Variants in RFK observed in about 807,000 individuals in gnomAD.
RFK encodes riboflavin kinase, also known as 0610038L10Rik.
A neutral mutation model predicts 17.6 loss-of-function variants in RFK; 4 were observed. That is an observed-to-expected ratio of 0.23 (90% CI 0.11 to 0.52). The LOEUF is 0.52. Among genes scored for constraint, RFK ranks in the 20% least tolerant of loss-of-function variants. The pLI is 0.96. For synonymous variants in RFK, 59 were observed against 63.8 expected, an observed-to-expected ratio of 0.92 and a Z score of 0.36; for missense variants, 189 against 187.7, an observed-to-expected ratio of 1.01 and a Z score of -0.04.
chr9:76,393,328 T>C (rs975453778), intron 1 of RFK, among the ~76,000 whole-genome samples: 3 of 152,026 alleles, frequency 2.0e-5, no homozygotes, highest in Admixed American at 2.0e-4. Context: ...TGCCTCAGGT[T>C]CCCGAGTAGC....
At position 76,386,627 on chromosome 9, in the gene RFK, G is replaced by A. The variant is rs1822735210; in HGVS notation, c.*772C>T. The A allele has an allele frequency of 6.6e-6, 1 of 152,148 alleles. No individual in the cohort carries two copies. The highest frequency in any genetic ancestry group is 1.5e-5 in the Non-Finnish European group (1 of 68,016). The allele number at this position is 152,148 out of a possible 1,614,324, so 9.4% of individuals were successfully genotyped here. On this transcript the variant is annotated 3_prime_UTR_variant, in exon 4 of 4. Transcript: ENST00000376736. ...TAGATTTGAAAACACTTATTTTACT[G>A]TCTTCAACAACAACAACAAACAGAT... is the stretch of plus-strand genomic sequence containing the variant.
At chr9:76,393,069 G>A (rs1389359273) in intron 1 of RFK, among the ~76,000 whole-genome samples, 2 of 152,034 alleles carry the variant, frequency 1.3e-5, no homozygotes, top group Non-Finnish European at 2.9e-5. Context: ...TATGAATAAA[G>A]TACCAGGTAA....
intron 2 of RFK, among the ~76,000 whole-genome samples, chr9:76,389,298 A>G (rs1822785281): frequency 6.6e-6 from 1 of 152,186 alleles, no homozygotes; most frequent in Non-Finnish European, 1.5e-5. Flanking sequence ...GGGTTCCCAC[A>G]CTTGGTTAAC....
At chr9:76,394,050 C>A (rs1408358402) in intron 1 of RFK, 40 bp downstream of exon 1, 8 of 1,550,700 alleles carry the variant, frequency 5.2e-6, no homozygotes, top group Middle Eastern at 1.9e-4. Flanking sequence ...CCGCTCCCCA[C>A]GTGACCCGGC....
intron 1 of RFK, 51 bp from the exon 2 acceptor site, chr9:76,392,620 C>T: frequency 6.3e-7 from 1 of 1,584,714 alleles, no homozygotes; most frequent in South Asian, 1.1e-5. Flanking sequence ...GTATTAAATG[C>T]CTGTAGCCGA....
At chr9:76,391,134 A>T (rs1822814702) in intron 2 of RFK, among the ~76,000 whole-genome samples, 1 of 152,226 alleles carries the variant, frequency 6.6e-6, no homozygotes, top group Admixed American at 6.5e-5. Flanking sequence ...TCCAAAAAAT[A>T]ATTTTCAAAT....
chr9:76,388,209 GA>G (rs1290955948), intron 3 of RFK: 1 of 476,608 alleles, frequency 2.1e-6, no homozygotes, highest in East Asian at 6.3e-5. Context: ...AATGTTCTCT[GA>G]TTTACTATAT....
chr9:76,387,765 T>C, intron 3 of RFK: 1 of 354,032 alleles, frequency 2.8e-6, no homozygotes, highest in Non-Finnish European at 5.2e-6. Flanking sequence ...TTTGGGAAGC[T>C]GAGGCGGGCA....
chr9:76,393,505 C>T (rs1360751325), intron 1 of RFK, among the ~76,000 whole-genome samples: 1 of 152,162 alleles, frequency 6.6e-6, no homozygotes, highest in African/African-American at 2.4e-5. Context: ...CCACGCCCGG[C>T]CAAAGCTTCT....
chr9:76,393,828 G>T (rs1408524949), intron 1 of RFK: 3 of 497,084 alleles, frequency 6.0e-6, no homozygotes, highest in Non-Finnish European at 1.1e-5. Context: ...CGTGAACGGG[G>T]AATCCTGCGA....
intron 2 of RFK, among the ~76,000 whole-genome samples, chr9:76,390,824 G>T (rs775450684): frequency 4.1e-5 from 6 of 144,684 alleles, no homozygotes; most frequent in Non-Finnish European, 7.6e-5. Flanking sequence ...CTTATTTAAG[G>T]TCAGTAAGAT....
intron 2 of RFK, among the ~76,000 whole-genome samples, chr9:76,391,306 T>C (rs997658058): frequency 6.6e-6 from 1 of 152,236 alleles, no homozygotes; most frequent in Non-Finnish European, 1.5e-5. Context: ...CTGTAATTTG[T>C]TTTTGCCACA....
intron 3 of RFK, chr9:76,388,138 A>C (rs1379770380): frequency 2.6e-6 from 1 of 386,634 alleles, no homozygotes; most frequent in South Asian, 1.9e-5. Flanking sequence ...TTGTAAAAGA[A>C]ACTTTATAAC....
rs999563976 is a variant in RFK, at chr9:76,386,694, A to G, written c.*705T>C. The G allele has an allele frequency of 6.6e-6, 1 of 152,236 alleles. No individual in the cohort carries two copies. Among genetic ancestry groups the G allele is most frequent in the African/African-American group, 2.4e-5 (1 of 41,462 alleles). 9.4% of individuals were successfully genotyped at this position (152,236 alleles called of 1,614,324 possible). A position where few individuals can be genotyped will look rare whatever the true frequency, so the allele number is the denominator to read the frequency against. On this transcript the variant is annotated 3_prime_UTR_variant, in exon 4 of 4. Transcript: ENST00000376736. ...GAGGACTCAGAATTGAAGCAGCTCTATACAATAATGAAGGTGGTACAATGA... is the reference window on the plus strand; with the variant it reads ...GAGGACTCAGAATTGAAGCAGCTCTGTACAATAATGAAGGTGGTACAATGA...
rs779345383 is a variant in RFK at position 76,392,391 on chromosome 9, G to A, written c.234+27C>T. 12 of 1,610,532 alleles carry A rather than the reference G, an allele frequency of 7.5e-6. 1 individual carries two copies. In the East Asian group the frequency reaches 1.6e-4, roughly 21 times the overall value. ...TATTCTAAGTCATCATACCATTTTCGGTTACAGAGCAAAATATAATGCTTA... is the reference window on the plus strand; with the variant it reads ...TATTCTAAGTCATCATACCATTTTCAGTTACAGAGCAAAATATAATGCTTA... On this transcript the variant is annotated intron_variant, in intron 2 of 3. Transcript: ENST00000376736.
At chr9:76,393,739 C>T in intron 1 of RFK, 1 of 333,086 alleles carries the variant, frequency 3.0e-6, no homozygotes. Flanking sequence ...CGAGTTCAGC[C>T]GTTCTGGCCC....
At position 76,391,659 on chromosome 9, in the gene RFK, T is replaced by C. The variant is rs933603079; in HGVS notation, c.234+759A>G. 1.4e-4 allele frequency among the ~76,000 whole-genome samples: 21 copies of C among 152,250 alleles called. 1 individual carries two copies. Among genetic ancestry groups the C allele is most frequent in the African/African-American group, 5.1e-4 (21 of 41,470 alleles). On this transcript the variant is annotated intron_variant, in intron 2 of 3. Transcript: ENST00000376736. The stretch of plus-strand genomic sequence containing the variant: ...AGACAGCAATTATCAAAGTCAGTAT[T>C]ATAATTTTGGTTTGTAACTCCACTC...
chr9:76,394,290 G>T lies in RFK; in HGVS notation c.-119C>A. The T allele has an allele frequency of 1.1e-6, 1 of 947,042 alleles. No homozygotes were observed. The highest frequency in any genetic ancestry group is 1.8e-5 in the South Asian group (1 of 54,874). The allele number at this position is 947,042 out of a possible 1,614,324, so 58.7% of individuals were successfully genotyped here. A position where few individuals can be genotyped will look rare whatever the true frequency, so the allele number is the denominator to read the frequency against. On this transcript the variant is annotated 5_prime_UTR_variant, in exon 1 of 4. Coordinates refer to ENST00000376736, the MANE Select transcript of RFK (RefSeq NM_018339.6). ...GACAGGAGCGTGAGCTCTGCCTGCC[G>T]CGGGGGCGCACCAGTGGCCGGACGA...
chr9:76,391,126 CAA>C (rs1822814675), intron 2 of RFK, among the ~76,000 whole-genome samples: 2 of 152,000 alleles, frequency 1.3e-5, no homozygotes, highest in South Asian at 4.1e-4. Flanking sequence ...TCCTTGTCTC[CAA>C]AAAATAATTT....
Sources: gnomAD v4.1 joint callset for allele counts (sites outside exome capture counted in the v4.1 genomes callset) on GRCh38, gnomAD v4.1.1 for gene constraint, MANE v1.5 for transcripts, NCBI Gene and HGNC (gene_info 2026-07-23, HGNC 2026-07-21) for gene names.